The following TEAD1 variants were observed in gnomAD, a reference collection of about 807,000 sequenced individuals.
TEAD1 encodes TEA domain transcription factor 1, also known as transcriptional enhancer factor TEF-1.
Under a neutral mutation model 54.9 loss-of-function variants are expected in TEAD1, and 9 were observed. The ratio of observed to expected loss-of-function variants is 0.16; its 90% CI spans 0.10 to 0.29. The LOEUF is 0.29. TEAD1 is among the 10% of genes least tolerant of loss of function. TEAD1 has a pLI of 1.00. For missense variants in TEAD1, 387 were observed against 535.9 expected, an observed-to-expected ratio of 0.72 and a Z score of 2.74; for synonymous variants, 200 against 187.8, an observed-to-expected ratio of 1.07 and a Z score of -0.53.
chr11:12,788,112 C>G (rs147389482), intron 3 of TEAD1, among the ~76,000 whole-genome samples: 212 of 151,320 alleles, frequency 1.4e-3, no homozygotes, highest in Non-Finnish European at 2.7e-3. Context: ...ACCACAGGCA[C>G]TCGCCACCAT....
Position 12,697,514 on chromosome 11 carries a change from C to T in TEAD1, c.-55+21953C>T, listed in dbSNP as rs566407993. 1.8e-3 allele frequency among the ~76,000 whole-genome samples: 271 copies of T among 152,192 alleles called. 2 individuals are homozygous for T. Among genetic ancestry groups the T allele is most frequent in the African/African-American group, 6.5e-3 (269 of 41,520 alleles). On this transcript the variant is annotated intron_variant, in intron 2 of 12. Coordinates refer to ENST00000527636, the MANE Select transcript of TEAD1 (RefSeq NM_021961.6). ...GGATAGATTTTTTTGGGGAGGAAAA[C>T]CCCTACAAGTACATTAGCAGATGTA...
intron 8 of TEAD1, 110 bp from the exon 9 acceptor site, chr11:12,882,891 G>A: frequency 6.5e-7 from 1 of 1,530,950 alleles, no homozygotes; most frequent in Non-Finnish European, 9.0e-7. Context: ...GGTGGAGAGG[G>A]GGCTGTTGGC....
chr11:12,714,893 C>T (rs1944022603), intron 2 of TEAD1, among the ~76,000 whole-genome samples: 2 of 152,124 alleles, frequency 1.3e-5, no homozygotes, highest in South Asian at 4.1e-4. Flanking sequence ...TAGGGCCCAC[C>T]TTGTTAATCA....
At chr11:12,797,374 T>G (rs1313522719) in intron 3 of TEAD1, among the ~76,000 whole-genome samples, 1 of 152,166 alleles carries the variant, frequency 6.6e-6, no homozygotes, top group Non-Finnish European at 1.5e-5. Flanking sequence ...TAGCATGCAT[T>G]TGGTCCTCAG....
At chr11:12,794,442 A>G (rs532010389) in intron 3 of TEAD1, among the ~76,000 whole-genome samples, 4 of 152,364 alleles carry the variant, frequency 2.6e-5, no homozygotes, top group Non-Finnish European at 5.9e-5. Flanking sequence ...GAAAAAAGAA[A>G]AAAACAGCCC....
At chr11:12,705,858 A>G (rs2133844647) in intron 2 of TEAD1, among the ~76,000 whole-genome samples, 1 of 152,328 alleles carries the variant, frequency 6.6e-6, no homozygotes, top group South Asian at 2.1e-4. Context: ...TGAACTACAA[A>G]TATTTCAAAT....
At chr11:12,886,981 T>C (rs1948098300) in intron 9 of TEAD1, among the ~76,000 whole-genome samples, 1 of 152,202 alleles carries the variant, frequency 6.6e-6, no homozygotes, top group Admixed American at 6.5e-5. Context: ...CCTCAGTCAC[T>C]ATTGTTGGTG....
chr11:12,757,914 G>A (rs889927756), intron 2 of TEAD1, among the ~76,000 whole-genome samples: 1 of 152,020 alleles, frequency 6.6e-6, no homozygotes, highest in Non-Finnish European at 1.5e-5. Flanking sequence ...CAAGTAGCTG[G>A]GATTACAGGC....
chr11:12,827,546 A>G (rs1946681420), intron 3 of TEAD1, among the ~76,000 whole-genome samples: 1 of 152,214 alleles, frequency 6.6e-6, no homozygotes, highest in Non-Finnish European at 1.5e-5. Flanking sequence ...GCTAAAAATG[A>G]TACAGCTCTT....
At chr11:12,711,828 C>T (rs1160848483) in intron 2 of TEAD1, among the ~76,000 whole-genome samples, 1 of 152,188 alleles carries the variant, frequency 6.6e-6, no homozygotes, top group African/African-American at 2.4e-5. Context: ...AGTGTGGGGT[C>T]CCTCAGGAGG....
chr11:12,718,709 C>T (rs1173303302), intron 2 of TEAD1, among the ~76,000 whole-genome samples: 2 of 151,912 alleles, frequency 1.3e-5, no homozygotes, highest in African/African-American at 2.4e-5. Context: ...TTTAATTACA[C>T]TCTTGTCTTT....
chr11:12,836,536 T>G lies in TEAD1; in HGVS notation c.203-25714T>G, dbSNP rs576029292. 2.0e-5 allele frequency among the ~76,000 whole-genome samples: 3 copies of G among 152,310 alleles called. No homozygotes were observed. The South Asian group carries it at 6.2e-4, about 32-fold the overall frequency. ...TCCTAACCCCAAACTGGAATCGTTATGTTGCGAGCATGAGACTTTAGCTTG... is the reference window on the plus strand; with the variant it reads ...TCCTAACCCCAAACTGGAATCGTTAGGTTGCGAGCATGAGACTTTAGCTTG... On this transcript the variant is annotated intron_variant, in intron 3 of 12. Coordinates refer to ENST00000527636, the MANE Select transcript of TEAD1 (RefSeq NM_021961.6).
intron 2 of TEAD1, among the ~76,000 whole-genome samples, chr11:12,678,735 G>A (rs913458438): frequency 2.0e-5 from 3 of 152,132 alleles, no homozygotes; most frequent in African/African-American, 4.8e-5. Flanking sequence ...GTGTTTTTCT[G>A]TGGGTTTTTA....
At chr11:12,861,258 A>G (rs1010711624) in intron 3 of TEAD1, among the ~76,000 whole-genome samples, 26 of 152,248 alleles carry the variant, frequency 1.7e-4, no homozygotes, top group African/African-American at 4.6e-4. Context: ...ATTTTTTCCT[A>G]TCATGGTTTT....
chr11:12,762,216 T>C (rs1945116559), intron 2 of TEAD1, among the ~76,000 whole-genome samples: 1 of 152,152 alleles, frequency 6.6e-6, no homozygotes, highest in South Asian at 2.1e-4. Context: ...TTTGTTTTTG[T>C]CTTTTTTTGT....
intron 9 of TEAD1, among the ~76,000 whole-genome samples, chr11:12,884,308 G>A (rs1286681953): frequency 2.0e-5 from 3 of 152,038 alleles, no homozygotes; most frequent in African/African-American, 7.3e-5. Flanking sequence ...AAAACTGAAG[G>A]AATCCTTAGT....
At chr11:12,680,481 C>T (rs1293854533) in intron 2 of TEAD1, among the ~76,000 whole-genome samples, 2 of 152,168 alleles carry the variant, frequency 1.3e-5, no homozygotes, top group South Asian at 2.1e-4. Context: ...AGCCACTCCC[C>T]GAGGCCCGCC....
chr11:12,727,863 G>T (rs542841898), intron 2 of TEAD1, among the ~76,000 whole-genome samples: 1 of 151,692 alleles, frequency 6.6e-6, no homozygotes, highest in African/African-American at 2.4e-5. Flanking sequence ...GTTTTGTTTA[G>T]TCTCCAAAGG....
chr11:12,801,348 C>A (rs1370965849), intron 3 of TEAD1, among the ~76,000 whole-genome samples: 1 of 152,150 alleles, frequency 6.6e-6, no homozygotes, highest in African/African-American at 2.4e-5. Flanking sequence ...CTAAAAATCC[C>A]CTTTTCTCTC....
Sources: allele counts gnomAD v4.1 joint callset (sites outside exome capture counted in the v4.1 genomes callset), GRCh38; gene constraint gnomAD v4.1.1; transcripts MANE v1.5; gene names NCBI Gene and HGNC (gene_info 2026-07-23, HGNC 2026-07-21).